SSR4: variants seen among roughly 807,000 people sequenced by gnomAD.
SSR4 encodes signal sequence receptor subunit 4, also known as translocon-associated protein subunit delta.
For synonymous variants in SSR4, 84 were observed against 65.6 expected, an observed-to-expected ratio of 1.28 and a Z score of -1.35; for missense variants, 125 against 148.8, an observed-to-expected ratio of 0.84 and a Z score of 0.83.
chrX:153,794,220 G>C, upstream of SSR4: 1 of 1,163,831 alleles, frequency 8.6e-7, no homozygotes, highest in Non-Finnish European at 1.1e-6. Flanking sequence ...CCGCTGCCGC[G>C]GTCCCGTGGC....
rs1393738744 is a variant in SSR4, at chrX:153,798,455, C to T, written c.*22C>T. The T allele has an allele frequency of 2.6e-6, 3 of 1,146,149 alleles. No homozygotes were observed. The African/African-American group carries it at 5.4e-5, about 20-fold the overall frequency. 94.5% of individuals were successfully genotyped at this position (1,146,149 alleles called of 1,213,427 possible). On this transcript the variant is annotated 3_prime_UTR_variant, in exon 6 of 6. Coordinates refer to ENST00000370086, the MANE Select transcript of SSR4 (RefSeq NM_006280.3). Reference sequence around the variant, plus strand: ...CTGAGGGCGGCACCCCAGCCCTGCCCTTGCTTCCTTCAATAAACATCACAG... The same window carrying T: ...CTGAGGGCGGCACCCCAGCCCTGCCTTTGCTTCCTTCAATAAACATCACAG...
At chrX:153,798,475 T>TCACAGGACCTGGGACTG (rs1448001439) in exon 6 of SSR4, 1 of 1,104,289 alleles carries the variant, frequency 9.1e-7, no homozygotes. Flanking sequence ...TCAATAAACA[T>TCACAGGACCTGGGACTG]CACAGGACCT....
rs148637748 is a variant in SSR4 at position 153,798,125 on chromosome X, G to A, written c.406G>A (p.Val136Met). The A allele has an allele frequency of 1.2e-4, 142 of 1,208,811 alleles. No individual in the cohort carries two copies. Among genetic ancestry groups the A allele is most frequent in the Admixed American group, 6.1e-4 (28 of 45,733 alleles). ...SIIPPLFTVS[V>M]DHRGTWNGPW... The stretch of plus-strand genomic sequence containing the variant: ...CATCCCGCCTCTGTTTACAGTCAGC[G>A]TGGACCATCGGGTGAGTGGCCTGGT... Residue 136 changes from valine (V) to methionine (M), a missense_variant, in exon 5 of 6, where the codon GTG (valine) becomes ATG (methionine). Transcript: ENST00000370086.
rs1307517878 is a variant in SSR4 at position 153,797,498 on chromosome X, C to T, written c.227C>T (p.Pro76Leu). 3 of 1,210,502 alleles carry T rather than the reference C, an allele frequency of 2.5e-6. No homozygotes were observed. Among genetic ancestry groups the T allele is most frequent in the South Asian group, 1.8e-5 (1 of 56,914 alleles). The change falls in exon 3 of 6, where the codon CCT (proline) becomes CTT (leucine). Residue 76 changes from proline to leucine, a missense_variant. By Grantham distance (98) the Pro-to-Leu change is moderately conservative (BLOSUM62 -3). Coordinates refer to ENST00000370086, the MANE Select transcript of SSR4 (RefSeq NM_006280.3). ...GCTGACGTCGGTGGAAAACAATTCC[C>T]TGTCACTCGAGGCCAGGATGTGGGG... ...LYADVGGKQF[P>L]VTRGQDVGRY...
At chrX:153,795,999 C>A in intron 1 of SSR4, 1 of 296,451 alleles carries the variant, frequency 3.4e-6, no homozygotes, top group Non-Finnish European at 4.6e-6. Context: ...ATCTTGAAAG[C>A]CCCAGTGCAT....
At chrX:153,796,129 C>T (rs2092139454) in intron 1 of SSR4, 1 of 284,921 alleles carries the variant, frequency 3.5e-6, no homozygotes, top group Admixed American at 5.8e-5. Context: ...TGTCATAGGT[C>T]CAAGTGTTGG....
At chrX:153,798,004 C>CG in intron 4 of SSR4, 67 bp from the exon 5 acceptor site, 2 of 704,939 alleles carry the variant, frequency 2.8e-6, no homozygotes, top group Non-Finnish European at 4.5e-6. Flanking sequence ...TGTCTTTCCC[C>CG]TCCCCTCCCC....
intron 4 of SSR4, 67 bp from the exon 5 acceptor site, chrX:153,798,004 C>CCA: frequency 1.4e-6 from 1 of 704,932 alleles, no homozygotes; most frequent in Non-Finnish European, 2.3e-6. Context: ...TGTCTTTCCC[C>CCA]TCCCCTCCCC....
chrX:153,794,902 G>A (rs781989811), intron 1 of SSR4, 148 bp downstream of exon 1: 294 of 664,345 alleles, frequency 4.4e-4, no homozygotes, highest in South Asian at 2.8e-3. Flanking sequence ...CTTGGGACGG[G>A]GGGACCAAAG....
chrX:153,795,788 G>A, intron 1 of SSR4: 1 of 755,136 alleles, frequency 1.3e-6, no homozygotes, highest in Non-Finnish European at 1.6e-6. Flanking sequence ...GGGAGCCTTT[G>A]TTTCACACCC....
At position 153,797,798 on chromosome X, in the gene SSR4, A is replaced by T. The variant is rs1474173597; in HGVS notation, c.335A>T (p.Tyr112Phe). 1 of 1,201,697 alleles carries T rather than the reference A, an allele frequency of 8.3e-7. No individual in the cohort carries two copies. Among genetic ancestry groups the T allele is most frequent in the Non-Finnish European group, 1.1e-6 (1 of 889,765 alleles). Reference protein sequence around the residue: ...YEVRFFDEESYSLLRKAQRNN... With the variant: ...YEVRFFDEESFSLLRKAQRNN... ...GTTAGATTCTTCGACGAGGAGTCCT[A>T]CAGCCTCCTCAGGAAGGTGAGGACT... Residue 112 changes from tyrosine to phenylalanine, a missense_variant, in exon 4 of 6, where the codon TAC becomes TTC. Physicochemically the swap from Tyr to Phe is conservative, Grantham distance 22. Coordinates refer to ENST00000370086, the MANE Select transcript of SSR4 (RefSeq NM_006280.3).
At chrX:153,794,369 C>A, upstream of SSR4, 1 of 1,169,695 alleles carries the variant, frequency 8.5e-7, no homozygotes, top group Non-Finnish European at 1.1e-6. Flanking sequence ...ACGCAGATAC[C>A]GCTCTCGCGA....
chrX:153,798,275 C>T, intron 5 of SSR4, 54 bp from the exon 6 acceptor site: 3 of 1,193,332 alleles, frequency 2.5e-6, no homozygotes, highest in Non-Finnish European at 3.4e-6. Context: ...CCAGGGCTGG[C>T]TGGTCTGCTC....
At chrX:153,794,359 A>C (rs1557071449), upstream of SSR4, 1 of 1,176,647 alleles carries the variant, frequency 8.5e-7, no homozygotes, top group Admixed American at 2.3e-5. Flanking sequence ...ACGTCCCGAC[A>C]CGCAGATACC....
At chrX:153,794,306 G>A, upstream of SSR4, 3 of 1,197,744 alleles carry the variant, frequency 2.5e-6, no homozygotes, top group Non-Finnish European at 3.4e-6. Flanking sequence ...TGCCGGCGAC[G>A]GTCGCTACCT....
At chrX:153,797,370 C>A in intron 2 of SSR4, 88 bp from the exon 3 acceptor site, 1 of 871,749 alleles carries the variant, frequency 1.1e-6, no homozygotes, top group Non-Finnish European at 1.7e-6. Context: ...AGCCTGCCCA[C>A]CTGCAGGCCG....
chrX:153,796,092 G>T, intron 1 of SSR4: 1 of 208,056 alleles, frequency 4.8e-6, no homozygotes, highest in Non-Finnish European at 8.7e-6. Context: ...GCTCTGAATT[G>T]AGGCTGGCGT....
intron 1 of SSR4, chrX:153,795,391 T>C (rs1179430786): frequency 8.8e-6 from 1 of 113,100 alleles, no homozygotes; most frequent in Non-Finnish European, 1.9e-5. Context: ...CAGGGGCGGC[T>C]TTCTCCACAT....
chrX:153,794,994 C>T, intron 1 of SSR4: 2 of 422,340 alleles, frequency 4.7e-6, no homozygotes, highest in Admixed American at 4.2e-5. Flanking sequence ...CATGGTGCGC[C>T]CGGCCCCCAA....
Sources: allele counts gnomAD v4.1 joint callset, GRCh38; gene constraint gnomAD v4.1.1; transcripts MANE v1.5; gene names NCBI Gene and HGNC (gene_info 2026-07-23, HGNC 2026-07-21).